The following CADM2 variants were observed in gnomAD, a reference collection of about 807,000 sequenced individuals.
CADM2 encodes the protein cell adhesion molecule 2, also known as immunoglobulin superfamily member 4D.
CADM2 carries 12 observed loss-of-function variants against 49.8 expected under a neutral mutation model. The observed-to-expected ratio is 0.24, with a 90% CI of 0.15 to 0.39. The LOEUF (loss-of-function observed/expected upper bound fraction) is 0.39. Among genes scored for constraint, CADM2 ranks in the 10% least tolerant of loss-of-function variants. CADM2 has a pLI of 1.00. For synonymous variants in CADM2, 214 were observed against 175.4 expected (o/e 1.22, Z -1.74); for missense variants, 378 against 492.3 (o/e 0.77, Z 2.20).
At chr3:85,303,653 C>T (rs1249972679) in intron 1 of CADM2, among the ~76,000 whole-genome samples, 1 of 151,854 alleles carries the variant, frequency 6.6e-6, no homozygotes, top group African/African-American at 2.4e-5. Flanking sequence ...GAAAAGAGAA[C>T]ATTTGACTTT....
chr3:85,896,806 A>G (rs949970464), intron 5 of CADM2, among the ~76,000 whole-genome samples: 2 of 152,228 alleles, frequency 1.3e-5, no homozygotes, highest in Non-Finnish European at 2.9e-5. Flanking sequence ...AGCTGCTTAT[A>G]TCGGCAGTTG....
At position 85,230,600 on chromosome 3, in the gene CADM2, T is replaced by C. The variant is rs146411955; in HGVS notation, c.61+270932T>C. Among the ~76,000 whole-genome samples, 154 of 152,292 alleles carry C rather than the reference T, an allele frequency of 1.0e-3. 1 individual carries two copies. In the East Asian group the frequency reaches 0.012, roughly 12 times the overall value. On this transcript the variant is annotated intron_variant, in intron 1 of 9. Transcript: ENST00000383699. ...TAAAAAGCTTAACTAAGCAGGTGCA[T>C]AGAGAAGCACCTCTATCAAATGCTT...
intron 1 of CADM2, among the ~76,000 whole-genome samples, chr3:85,016,577 G>GA (rs2034256760): frequency 6.6e-6 from 1 of 152,146 alleles, no homozygotes; most frequent in Non-Finnish European, 1.5e-5. Context: ...GACATCAGCT[G>GA]AGGTCAAGAG....
At chr3:85,318,890 A>G (rs2044533774) in intron 1 of CADM2, among the ~76,000 whole-genome samples, 1 of 152,164 alleles carries the variant, frequency 6.6e-6, no homozygotes, top group Non-Finnish European at 1.5e-5. Flanking sequence ...TTAATATTTT[A>G]TTTCATTCAC....
At position 85,704,305 on chromosome 3, in the gene CADM2, T is replaced by C. The variant is rs556190074; in HGVS notation, c.62-22217T>C. ...GATAATTTCTATGCAAGACGATAAA[T>C]GGGACAGTAAAAATAGCAGTTTCTG... On this transcript the variant is annotated intron_variant, in intron 1 of 9. Transcript: ENST00000383699. 2.0e-5 allele frequency among the ~76,000 whole-genome samples: 3 copies of C among 152,268 alleles called. No homozygotes were observed. In the South Asian group the frequency reaches 6.2e-4, roughly 32 times the overall value.
intron 1 of CADM2, among the ~76,000 whole-genome samples, chr3:84,995,032 A>AAAAT (rs1035710783): frequency 2.6e-5 from 4 of 152,164 alleles, no homozygotes; most frequent in South Asian, 4.1e-4. Flanking sequence ...TCTGTCTCAA[A>AAAAT]AAATAAATAA....
At chr3:85,746,585 CT>C (rs2068632032) in intron 2 of CADM2, among the ~76,000 whole-genome samples, 1 of 152,042 alleles carries the variant, frequency 6.6e-6, no homozygotes, top group Non-Finnish European at 1.5e-5. Flanking sequence ...TTCCTCATAT[CT>C]TTCATCCCTG....
intron 8 of CADM2, among the ~76,000 whole-genome samples, chr3:86,064,779 T>C (rs2107427571): frequency 6.6e-6 from 1 of 152,348 alleles, no homozygotes; most frequent in South Asian, 2.1e-4. Context: ...GCCATCCTTT[T>C]CTGGGCTGAT....
intron 1 of CADM2, among the ~76,000 whole-genome samples, chr3:85,251,520 C>T (rs2042774532): frequency 6.6e-6 from 1 of 151,756 alleles, no homozygotes; most frequent in Non-Finnish European, 1.5e-5. Context: ...ACTCAAACTC[C>T]TAAGCTGAAT....
chr3:85,420,335 C>T (rs2036111645), intron 1 of CADM2, among the ~76,000 whole-genome samples: 1 of 152,176 alleles, frequency 6.6e-6, no homozygotes, highest in African/African-American at 2.4e-5. Context: ...GTGTCACAGT[C>T]ATTGATCTGT....
In CADM2 at chr3:85,468,109, C is replaced by G. The variant is rs930613586; in HGVS notation, c.62-258413C>G. Among the ~76,000 whole-genome samples the G allele has an allele frequency of 1.3e-4, 18 of 136,892 alleles. No homozygotes were observed. In the East Asian group the frequency reaches 2.7e-3, roughly 21 times the overall value. The allele number at this position is 136,892 out of a possible 152,430, so 89.8% of individuals were successfully genotyped here. A position where few individuals can be genotyped will look rare whatever the true frequency, so the allele number is the denominator to read the frequency against. On this transcript the variant is annotated intron_variant, in intron 1 of 9. Coordinates refer to ENST00000383699, the MANE Select transcript of CADM2 (RefSeq NM_001167675.2). Reference sequence around the variant, plus strand: ...GCGGAGCTTGCAGTGAGCCGAGATCCCGCCACTGCACTCCAGCCTGGGCGA... The same window carrying G: ...GCGGAGCTTGCAGTGAGCCGAGATCGCGCCACTGCACTCCAGCCTGGGCGA...
intron 1 of CADM2, among the ~76,000 whole-genome samples, chr3:85,023,145 T>G (rs2034579882): frequency 6.6e-6 from 1 of 152,116 alleles, no homozygotes; most frequent in Non-Finnish European, 1.5e-5. Context: ...AACTTAAAAA[T>G]GAATTCAGAC....
At chr3:85,216,197 T>A (rs921924704) in intron 1 of CADM2, among the ~76,000 whole-genome samples, 3 of 151,042 alleles carry the variant, frequency 2.0e-5, no homozygotes, top group Non-Finnish European at 4.4e-5. Flanking sequence ...GAAAAAAAAA[T>A]TTCCTAAAAT....
intron 8 of CADM2, among the ~76,000 whole-genome samples, chr3:85,998,085 G>T (rs35242846): frequency 6.6e-6 from 1 of 151,920 alleles, no homozygotes; most frequent in South Asian, 2.1e-4. Context: ...ATTTAAGAGA[G>T]GATTTTTAAT....
chr3:85,771,896 C>CAGA (rs2070109716), intron 2 of CADM2, among the ~76,000 whole-genome samples: 1 of 151,768 alleles, frequency 6.6e-6, no homozygotes, highest in African/African-American at 2.4e-5. Context: ...CATTTCTTTC[C>CAGA]AAGTTGAGCC....
At chr3:85,951,295 T>A (rs1173153712) in intron 7 of CADM2, among the ~76,000 whole-genome samples, 3 of 151,038 alleles carry the variant, frequency 2.0e-5, no homozygotes, top group African/African-American at 7.3e-5. Context: ...CAAAGACACA[T>A]TAAATTAATC....
intron 1 of CADM2, among the ~76,000 whole-genome samples, chr3:85,211,475 G>C (rs545124693): frequency 1.3e-5 from 2 of 152,112 alleles, no homozygotes; most frequent in Non-Finnish European, 2.9e-5. Flanking sequence ...TATAGGTTTA[G>C]TATGCTGTGT....
chr3:85,483,931 G>A (rs1340510835), intron 1 of CADM2, among the ~76,000 whole-genome samples: 1 of 151,582 alleles, frequency 6.6e-6, no homozygotes, highest in Non-Finnish European at 1.5e-5. Flanking sequence ...TAAGAATTGA[G>A]TTACTAAATT....
At chr3:85,598,535 C>T (rs934241814) in intron 1 of CADM2, among the ~76,000 whole-genome samples, 3 of 151,620 alleles carry the variant, frequency 2.0e-5, no homozygotes, top group African/African-American at 4.8e-5. Context: ...TTGGTTTTAA[C>T]CATAATTTAC....
Sources: allele counts gnomAD v4.1 joint callset (sites outside exome capture counted in the v4.1 genomes callset), GRCh38; gene constraint gnomAD v4.1.1; transcripts MANE v1.5; gene names NCBI Gene and HGNC (gene_info 2026-07-23, HGNC 2026-07-21).